PROM1: variants seen among roughly 807,000 people sequenced by gnomAD.
The protein encoded by PROM1 is prominin 1.
A neutral mutation model predicts 116.9 loss-of-function variants in PROM1; 105 were observed. The ratio of observed to expected loss-of-function variants is 0.90; its 90% CI spans 0.77 to 1.06. The LOEUF (loss-of-function observed/expected upper bound fraction) is 1.06, where lower values mean the gene tolerates loss of function less well. Ranked by LOEUF, PROM1 falls within the 50% of genes least tolerant of loss-of-function variation. The pLI is 0.00. For synonymous variants in PROM1, 393 were observed against 387.0 expected, an observed-to-expected ratio of 1.02 and a Z score of -0.18; for missense variants, 1,122 against 1,045.2, an observed-to-expected ratio of 1.07 and a Z score of -1.01.
intron 3 of PROM1, among the ~76,000 whole-genome samples, chr4:16,036,159 C>T (rs1434930821): frequency 1.3e-5 from 2 of 152,180 alleles, no homozygotes; most frequent in African/African-American, 4.8e-5. Flanking sequence ...GTGCCCTTTT[C>T]TAAAATAAAA....
intron 1 of PROM1, chr4:16,077,971 G>A (rs1744300201): frequency 6.6e-6 from 1 of 152,292 alleles, no homozygotes; most frequent in Non-Finnish European, 1.5e-5. Context: ...GGACACATGT[G>A]CAACACTGGA....
chr4:15,999,659 T>C (rs1416600500), intron 14 of PROM1, among the ~76,000 whole-genome samples: 1 of 152,152 alleles, frequency 6.6e-6, no homozygotes, highest in Admixed American at 6.5e-5. Context: ...ATGTCTTTCT[T>C]TTATCAAAAG....
At chr4:16,080,085 G>C (rs544446369) in intron 1 of PROM1, 1 of 150,404 alleles carries the variant, frequency 6.6e-6, no homozygotes, top group Non-Finnish European at 1.5e-5. Context: ...CCAGCTACTC[G>C]GAAGTCTGAA....
At chr4:15,989,696 G>T (rs1720474550) in intron 19 of PROM1, 36 bp downstream of exon 19, 1 of 1,512,398 alleles carries the variant, frequency 6.6e-7, no homozygotes, top group East Asian at 2.3e-5. Flanking sequence ...ATTTTGCTCA[G>T]GTCACAGTGA....
At chr4:15,992,697 G>A (rs981086763) in intron 16 of PROM1, among the ~76,000 whole-genome samples, 7 of 152,102 alleles carry the variant, frequency 4.6e-5, no homozygotes, top group African/African-American at 1.7e-4. Flanking sequence ...ATCTCTTCCT[G>A]GTACTTCCCA....
At chr4:16,019,071 C>T in intron 8 of PROM1, among the ~76,000 whole-genome samples, 1 of 152,310 alleles carries the variant, frequency 6.6e-6, no homozygotes, top group East Asian at 1.9e-4. Context: ...GCTCCTGAAC[C>T]ACTCTGAGCC....
intron 7 of PROM1, among the ~76,000 whole-genome samples, chr4:16,023,811 T>C (rs1338833379): frequency 1.3e-5 from 2 of 152,116 alleles, no homozygotes; most frequent in African/African-American, 4.8e-5. Flanking sequence ...CCACCCCACC[T>C]TCACCTCATT....
chr4:16,071,625 G>A (rs1250608394), intron 2 of PROM1, among the ~76,000 whole-genome samples: 1 of 152,162 alleles, frequency 6.6e-6, no homozygotes, highest in East Asian at 1.9e-4. Context: ...CCAGGAGCCT[G>A]CACCCAGGAA....
intron 2 of PROM1, 139 bp from the exon 3 acceptor site, chr4:16,039,140 A>C (rs937133560): frequency 8.8e-6 from 6 of 684,500 alleles, no homozygotes; most frequent in Admixed American, 8.9e-5. Context: ...CTTATTTCTT[A>C]ATGTAGGTAA....
chr4:16,004,923 CTTCCTTCCTCTT>C (rs1183851108), intron 13 of PROM1, among the ~76,000 whole-genome samples: 4 of 117,616 alleles, frequency 3.4e-5, no homozygotes, highest in Admixed American at 9.2e-5. Flanking sequence ...TCCTTCCTTC[CTTCCTTCCTCTT>C]TCTTTTTTTC....
At chr4:16,030,030 G>A (rs1258902229) in intron 5 of PROM1, among the ~76,000 whole-genome samples, 2 of 151,850 alleles carry the variant, frequency 1.3e-5, no homozygotes, top group Non-Finnish European at 2.9e-5. Flanking sequence ...TTCTTCTCCT[G>A]TCTAACTACT....
chr4:16,071,967 T>A (rs1267783274), intron 2 of PROM1, among the ~76,000 whole-genome samples: 1 of 152,144 alleles, frequency 6.6e-6, no homozygotes, highest in Non-Finnish European at 1.5e-5. Flanking sequence ...TTCTCAAAGG[T>A]AAGGCACAGC....
intron 22 of PROM1, 86 bp from the exon 23 acceptor site, chr4:15,984,441 T>A: frequency 9.8e-7 from 1 of 1,018,376 alleles, no homozygotes. Context: ...TTTGACTTGG[T>A]GTCACAAAAA....
chr4:16,007,782 A>G (rs1725890515), intron 12 of PROM1, among the ~76,000 whole-genome samples: 1 of 152,198 alleles, frequency 6.6e-6, no homozygotes, highest in African/African-American at 2.4e-5. Context: ...TGAGATTATA[A>G]GTTCACTGAG....
chr4:16,014,035 T>C (rs1465545497), intron 10 of PROM1, among the ~76,000 whole-genome samples: 2 of 152,118 alleles, frequency 1.3e-5, no homozygotes, highest in African/African-American at 2.4e-5. Flanking sequence ...TGCCGAGCGA[T>C]AGGGCTTTGG....
rs139290618 is a variant in PROM1 at position 16,082,093 on chromosome 4, T to C, written c.-213+1885A>G. Reference sequence around the variant, plus strand: ...TAGGGTTCGCAGGCTAGCGATCTAATAGGTAAAGCACCTGGCACGCAGCTG... The same window carrying C: ...TAGGGTTCGCAGGCTAGCGATCTAACAGGTAAAGCACCTGGCACGCAGCTG... On this transcript the variant is annotated intron_variant, in intron 1 of 27. Coordinates refer to ENST00000447510, the MANE Select transcript of PROM1 (RefSeq NM_006017.3). 5.3e-4 allele frequency: 81 copies of C among 152,270 alleles called. 1 individual carries two copies. The highest frequency in any genetic ancestry group is 1.8e-3 in the African/African-American group (75 of 41,538). 9.4% of individuals were successfully genotyped at this position (152,270 alleles called of 1,614,324 possible).
chr4:15,991,203 C>T lies in PROM1; in HGVS notation c.1983+19G>A. Reference sequence around the variant, plus strand: ...CATCTACAACTACTACAGTATTTAACCGGACGATTTGAACTCACCAAACTG... The same window carrying T: ...CATCTACAACTACTACAGTATTTAATCGGACGATTTGAACTCACCAAACTG... On this transcript the variant is annotated intron_variant, in intron 18 of 27. Transcript: ENST00000447510. The T allele has an allele frequency of 6.3e-7, 1 of 1,592,494 alleles. No homozygotes were observed.
At chr4:16,003,605 C>T (rs1450813381) in intron 13 of PROM1, among the ~76,000 whole-genome samples, 1 of 152,164 alleles carries the variant, frequency 6.6e-6, no homozygotes, top group Non-Finnish European at 1.5e-5. Flanking sequence ...AGGCCTCCTA[C>T]GCCCCCCTGC....
chr4:15,974,340 C>T (rs1715523236), intron 26 of PROM1, among the ~76,000 whole-genome samples: 1 of 152,072 alleles, frequency 6.6e-6, no homozygotes, highest in African/African-American at 2.4e-5. Flanking sequence ...ATATGAAAGT[C>T]TATTAACTTT....
Sources: allele counts gnomAD v4.1 joint callset (sites outside exome capture counted in the v4.1 genomes callset), GRCh38; gene constraint gnomAD v4.1.1; transcripts MANE v1.5; gene names NCBI Gene and HGNC (gene_info 2026-07-23, HGNC 2026-07-21).